Variants in PCDHA2 observed in about 807,000 individuals in gnomAD.
PCDHA2 encodes the protein protocadherin alpha 2, also known as protocadherin alpha-2.
In PCDHA2, 58 loss-of-function variants were observed where a neutral mutation model predicts 66.0. That is an observed-to-expected ratio of 0.88 (90% CI 0.71 to 1.09). The LOEUF is 1.09. Among genes scored for constraint, PCDHA2 ranks in the 50% least tolerant of loss-of-function variants. The probability of loss-of-function intolerance (pLI) is 0.00; values close to 1 mark genes in which losing one functional copy is unlikely to be tolerated. For synonymous variants in PCDHA2, 634 were observed against 554.0 expected (o/e 1.14, Z -2.03); for missense variants, 1,267 against 1,242.3 (o/e 1.02, Z -0.30).
chr5:140,837,936 C>T (rs1775324254), intron 1 of PCDHA2, among the ~76,000 whole-genome samples: 1 of 151,834 alleles, frequency 6.6e-6, no homozygotes, highest in Non-Finnish European at 1.5e-5. Context: ...ACCTTGGCCT[C>T]CCAAAGTATT....
intron 2 of PCDHA2, chr5:140,982,197 A>G: frequency 1.5e-5 from 6 of 389,618 alleles, no homozygotes; most frequent in Non-Finnish European, 2.1e-5. Flanking sequence ...TTCCTGTTAG[A>G]TTTAGTGAGC....
intron 1 of PCDHA2, chr5:140,968,899 A>G (rs782594245): frequency 6.2e-7 from 1 of 1,614,130 alleles, no homozygotes; most frequent in Non-Finnish European, 8.5e-7. Context: ...TAATAATAGC[A>G]TTAAGCACAG....
intron 1 of PCDHA2, chr5:140,849,642 G>C (rs2150443693): frequency 3.8e-6 from 6 of 1,598,700 alleles, no homozygotes; most frequent in Admixed American, 3.4e-5. Flanking sequence ...AGATGCCAAC[G>C]GGCAGGTTAC....
In PCDHA2 at chr5:140,926,298, C is replaced by G. The variant is rs1337047837; in HGVS notation, c.2389-52651C>G. 3.3e-5 allele frequency: 5 copies of G among 152,328 alleles called. No homozygotes were observed. In the East Asian group the frequency reaches 5.8e-4, roughly 18 times the overall value. The allele number at this position is 152,328 out of a possible 1,614,324, so 9.4% of individuals were successfully genotyped here. Reference sequence around the variant, plus strand: ...TCGGCAGCTCCACGCTGAGTCCCGCCCTCTCCGCCGGAGAGGTGCGCCGGG... The same window carrying G: ...TCGGCAGCTCCACGCTGAGTCCCGCGCTCTCCGCCGGAGAGGTGCGCCGGG... On this transcript the variant is annotated intron_variant, in intron 1 of 3. Coordinates refer to ENST00000526136, the MANE Select transcript of PCDHA2 (RefSeq NM_018905.3).
intron 3 of PCDHA2, among the ~76,000 whole-genome samples, chr5:141,006,751 G>A (rs1369409000): frequency 2.0e-5 from 3 of 152,166 alleles, no homozygotes; most frequent in Non-Finnish European, 4.4e-5. Flanking sequence ...ATTATAAATG[G>A]AGAATGAAGA....
intron 3 of PCDHA2, among the ~76,000 whole-genome samples, chr5:140,982,785 G>A (rs1037904724): frequency 2.0e-5 from 3 of 151,236 alleles, no homozygotes; most frequent in African/African-American, 4.9e-5. Flanking sequence ...GTGTGTGCAC[G>A]CATGTGTGCA....
intron 1 of PCDHA2, chr5:140,803,798 T>G: frequency 1.3e-6 from 1 of 793,240 alleles, no homozygotes; most frequent in Non-Finnish European, 1.9e-6. Context: ...ATATCCACAC[T>G]TGTAATTTTG....
chr5:140,828,658 T>G, intron 1 of PCDHA2: 2 of 1,614,116 alleles, frequency 1.2e-6, no homozygotes, highest in Non-Finnish European at 1.7e-6. Flanking sequence ...GTGATGACAA[T>G]AAACAAATTG....
chr5:140,805,130 C>T, intron 1 of PCDHA2: 1 of 1,579,476 alleles, frequency 6.3e-7, no homozygotes, highest in Non-Finnish European at 8.6e-7. Flanking sequence ...TTGGCAAAGA[C>T]ATTTTGAAGA....
At chr5:140,966,712 T>C (rs2153748592) in intron 1 of PCDHA2, 2 of 1,392,090 alleles carry the variant, frequency 1.4e-6, no homozygotes, top group Middle Eastern at 2.7e-4. Flanking sequence ...GGGGCACGGC[T>C]GGGGAAGCTG....
chr5:141,006,726 A>G (rs2098284944), intron 3 of PCDHA2, among the ~76,000 whole-genome samples: 1 of 152,172 alleles, frequency 6.6e-6, no homozygotes, highest in African/African-American at 2.4e-5. Flanking sequence ...CAGAAATGAC[A>G]GGTCTTGATG....
At chr5:140,835,916 C>T (rs1359534891) in intron 1 of PCDHA2, 4 of 1,612,180 alleles carry the variant, frequency 2.5e-6, no homozygotes, top group Non-Finnish European at 2.5e-6. Context: ...TGTCAGTGCA[C>T]GCGGAGAGCG....
At chr5:140,812,151 T>A (rs1554125915) in intron 1 of PCDHA2, 1 of 151,954 alleles carries the variant, frequency 6.6e-6, no homozygotes, top group Non-Finnish European at 1.5e-5. Context: ...TGGGCTTTTG[T>A]TGTTGTTGTT....
chr5:140,812,388 C>T (rs2126638236), intron 1 of PCDHA2: 2 of 152,014 alleles, frequency 1.3e-5, no homozygotes, highest in Non-Finnish European at 2.9e-5. Flanking sequence ...TTTTCTTAGT[C>T]TAGCTAAGGG....
rs782109045 is a variant in PCDHA2 at position 140,856,427 on chromosome 5, G to C, written c.2388+59075G>C. ...GGACGTGGAAGTGAAGGACATTAAC[G>C]ACAACCCGCCCAGGTTCTCCGTAAC... On this transcript the variant is annotated intron_variant, in intron 1 of 3. Transcript: ENST00000526136. 9 of 1,598,364 alleles carry C rather than the reference G, an allele frequency of 5.6e-6. 1 individual carries two copies. Among genetic ancestry groups the C allele is most frequent in the South Asian group, 1.1e-5 (1 of 90,520 alleles).
At chr5:140,894,363 C>T (rs971503382) in intron 1 of PCDHA2, among the ~76,000 whole-genome samples, 1 of 151,968 alleles carries the variant, frequency 6.6e-6, no homozygotes, top group Admixed American at 6.5e-5. Context: ...ATTTCTTCTT[C>T]AATGGCTCCA....
rs782750036 is a variant in PCDHA2, at chr5:140,809,552, A to G, written c.2388+12200A>G. The G allele has an allele frequency of 1.4e-5, 22 of 1,611,538 alleles. No homozygotes were observed. In the South Asian group the frequency reaches 2.3e-4, roughly 17 times the overall value. The stretch of plus-strand genomic sequence containing the variant: ...GGACAGAGAAGATCAGCTGCAGACA[A>G]CTGAGGAATCCTTTGCAAAGGTTAG... On this transcript the variant is annotated intron_variant, in intron 1 of 3. Coordinates refer to ENST00000526136, the MANE Select transcript of PCDHA2 (RefSeq NM_018905.3).
At chr5:140,928,624 C>T (rs782032190) in intron 1 of PCDHA2, 1 of 1,614,242 alleles carries the variant, frequency 6.2e-7, no homozygotes, top group Non-Finnish European at 8.5e-7. Context: ...CAGGACTGGA[C>T]ACTTGGTCAC....
intron 1 of PCDHA2, chr5:140,823,766 T>TGCTGGTGTC (rs1767866619): frequency 6.2e-7 from 1 of 1,613,734 alleles, no homozygotes; most frequent in African/African-American, 1.3e-5. Flanking sequence ...ACAGCCACAG[T>TGCTGGTGTC]GCTGGTGTCG....
Sources: gnomAD v4.1 joint callset for allele counts (sites outside exome capture counted in the v4.1 genomes callset) on GRCh38, gnomAD v4.1.1 for gene constraint, MANE v1.5 for transcripts, NCBI Gene and HGNC (gene_info 2026-07-23, HGNC 2026-07-21) for gene names.